The following BCOR variants were observed in gnomAD, a reference collection of about 807,000 sequenced individuals.
BCOR encodes BCL6 corepressor, also known as BCL-6 corepressor.
In BCOR, 10 loss-of-function variants were observed where a neutral mutation model predicts 86.7. The ratio of observed to expected loss-of-function variants is 0.12; its 90% CI spans 0.07 to 0.20. The LOEUF (loss-of-function observed/expected upper bound fraction) is 0.20. Ranked by LOEUF, BCOR falls within the 10% of genes least tolerant of loss-of-function variation. The pLI, the probability that BCOR is intolerant of heterozygous loss-of-function variation, is 1.00. For missense variants in BCOR, 1,259 were observed against 1,452.1 expected (o/e 0.87, Z 2.16); for synonymous variants, 611 against 609.0 (o/e 1.00, Z -0.05).
chrX:40,059,197 G>A (rs1418996723), intron 10 of BCOR, among the ~76,000 whole-genome samples: 1 of 111,835 alleles, frequency 8.9e-6, no homozygotes, highest in Non-Finnish European at 1.9e-5. Context: ...CCAACAACCA[G>A]GTCAGACGTT....
chrX:40,127,905 TAAA>T (rs1243722502), intron 1 of BCOR, among the ~76,000 whole-genome samples: 48 of 88,164 alleles, frequency 5.4e-4, no homozygotes, highest in African/African-American at 1.5e-3. Context: ...AATAAATAAA[TAAA>T]TTTAAAAAAA....
chrX:40,110,475 A>G (rs1200788210), intron 1 of BCOR, among the ~76,000 whole-genome samples: 1 of 107,792 alleles, frequency 9.3e-6, no homozygotes, highest in African/African-American at 3.4e-5. Context: ...CCTATGGGGG[A>G]AAAAAATCTT....
Position 40,062,842 on chromosome X carries a change from C to T in BCOR, c.4077G>A (p.Gly1359=). Residue 1359 remains glycine, a synonymous_variant, in exon 9 of 15, where the codon GGG becomes GGA. Transcript: ENST00000378444. ...AGTGTTTGGTTTTGCACAGTCTCTTCCCGGATGGCTTCTCGCTGTTGTCGG... is the reference window on the plus strand; with the variant it reads ...AGTGTTTGGTTTTGCACAGTCTCTTTCCGGATGGCTTCTCGCTGTTGTCGG... The part of the protein sequence containing the change: ...KYTDNSEKPS[G]KRLCKTKHLI... 2 of 1,211,819 alleles carry T rather than the reference C, an allele frequency of 1.7e-6. No individual in the cohort carries two copies. Among genetic ancestry groups the T allele is most frequent in the South Asian group, 3.5e-5 (2 of 56,893 alleles).
At chrX:40,099,868 A>T (rs896542710), upstream of BCOR, among the ~76,000 whole-genome samples, 5 of 112,085 alleles carry the variant, frequency 4.5e-5, no homozygotes, top group African/African-American at 1.3e-4. Context: ...CAGGCGAGCA[A>T]GTGCCCCCGC....
intron 1 of BCOR, among the ~76,000 whole-genome samples, chrX:40,145,851 C>T (rs1938037557): frequency 8.9e-6 from 1 of 111,803 alleles, no homozygotes; most frequent in African/African-American, 3.2e-5. Flanking sequence ...TGGGACCATT[C>T]GCAACCCACG....
chrX:40,110,661 C>CTTTTTTTT (rs1569182584), intron 1 of BCOR, among the ~76,000 whole-genome samples: 5 of 24,668 alleles, frequency 2.0e-4, no homozygotes, highest in Admixed American at 1.3e-3. Context: ...TTCTTTTTTC[C>CTTTTTTTT]TTTTTCTTTT....
intron 1 of BCOR, among the ~76,000 whole-genome samples, chrX:40,159,944 A>G (rs1352117651): frequency 1.8e-5 from 2 of 112,383 alleles, no homozygotes; most frequent in Admixed American, 9.4e-5. Flanking sequence ...CAATCACTGA[A>G]GCTCATTTGG....
intron 1 of BCOR, among the ~76,000 whole-genome samples, chrX:40,124,163 G>C (rs763948923): frequency 9.0e-6 from 1 of 111,680 alleles, no homozygotes; most frequent in African/African-American, 3.2e-5. Context: ...GTCAGGCAGG[G>C]TGGCTCATGC....
rs762622506 is a variant in BCOR at position 40,074,459 on chromosome X, C to A, written c.887G>T (p.Gly296Val). ...SLPWKMGVSP[G>V]NPVDSHAYPH... ...ATAGGCGTGGGAATCAACAGGATTC[C>A]CAGGGCTGACGCCCATCTTCCACGG... The change falls in exon 4 of 15, where the codon GGG becomes GTG. Residue 296 changes from glycine (G) to valine (V), a missense_variant. Physicochemically the swap from Gly to Val is moderately radical, Grantham distance 109 (BLOSUM62 -3). Coordinates refer to ENST00000378444, the MANE Select transcript of BCOR (RefSeq NM_001123385.2). 8.3e-7 allele frequency: 1 copy of A among 1,205,305 alleles called. No individual in the cohort carries two copies.
chrX:40,154,193 G>T (rs1410343745), intron 1 of BCOR, among the ~76,000 whole-genome samples: 1 of 112,728 alleles, frequency 8.9e-6, no homozygotes, highest in East Asian at 2.8e-4. Flanking sequence ...GCTGCAGCGG[G>T]AAGCGCGCTG....
chrX:40,105,658 G>GGC (rs1212251674), intron 1 of BCOR, among the ~76,000 whole-genome samples: 1 of 112,878 alleles, frequency 8.9e-6, no homozygotes, highest in African/African-American at 3.2e-5. Flanking sequence ...CCTGCAGCTG[G>GGC]GCGCGTGCTG....
At chrX:40,110,749 CGCCCAG>C (rs1428529828) in intron 1 of BCOR, among the ~76,000 whole-genome samples, 7 of 64,272 alleles carry the variant, frequency 1.1e-4, no homozygotes, top group Non-Finnish European at 1.6e-4. Context: ...TCACTCTTGT[CGCCCAG>C]GCTGGAGTGC....
intron 1 of BCOR, among the ~76,000 whole-genome samples, chrX:40,104,396 G>A (rs1475771310): frequency 1.8e-5 from 2 of 111,987 alleles, no homozygotes; most frequent in Non-Finnish European, 3.8e-5. Flanking sequence ...CCGGACCCTC[G>A]GGGAGTTTTA....
chrX:40,114,347 C>T (rs1374454050), intron 1 of BCOR, among the ~76,000 whole-genome samples: 1 of 111,096 alleles, frequency 9.0e-6, no homozygotes, highest in Non-Finnish European at 1.9e-5. Context: ...CACCTGTGTA[C>T]AGGTCTCTGT....
At chrX:40,156,313 G>A (rs1468206654) in intron 1 of BCOR, among the ~76,000 whole-genome samples, 2 of 111,762 alleles carry the variant, frequency 1.8e-5, no homozygotes, top group East Asian at 2.8e-4. Context: ...TGAGCCTGGC[G>A]AGCCGGGGTC....
upstream of BCOR, among the ~76,000 whole-genome samples, chrX:40,102,229 G>T (rs1234735595): frequency 2.7e-5 from 3 of 112,952 alleles, no homozygotes; most frequent in Non-Finnish European, 3.8e-5. Context: ...GGGAAGGAAG[G>T]CCCTAAGGGC....
In BCOR at chrX:40,082,940, A is replaced by G. The variant is rs566583029; in HGVS notation, c.-40-4971T>C. Among the ~76,000 whole-genome samples, 10 of 110,992 alleles carry G rather than the reference A, an allele frequency of 9.0e-5. No homozygotes were observed. In the South Asian group the frequency reaches 3.1e-3, roughly 34 times the overall value. On this transcript the variant is annotated intron_variant, in intron 1 of 14. Coordinates refer to ENST00000378444, the MANE Select transcript of BCOR (RefSeq NM_001123385.2). Reference sequence around the variant, plus strand: ...GAGGCAGCAACAGAGAGGGGATCAGAGCAGGGAGGGAACTTCAGCAGAACT... The same window carrying G: ...GAGGCAGCAACAGAGAGGGGATCAGGGCAGGGAGGGAACTTCAGCAGAACT...
chrX:40,175,982 G>A (rs1201743247), intron 1 of BCOR, among the ~76,000 whole-genome samples: 7 of 112,825 alleles, frequency 6.2e-5, no homozygotes, highest in South Asian at 3.6e-4. Context: ...GGGAGGGAGA[G>A]TACATTTCGG....
rs754249432 is a variant in BCOR, at chrX:40,133,446, A to G, written c.-41+43561T>C. Among the ~76,000 whole-genome samples, 464 of 68,206 alleles carry G rather than the reference A, an allele frequency of 6.8e-3. 3 individuals are homozygous for G. Among genetic ancestry groups the G allele is most frequent in the Middle Eastern group, 0.036 (2 of 56 alleles). 59.2% of individuals were successfully genotyped at this position (68,206 alleles called of 115,157 possible). A position where few individuals can be genotyped will look rare whatever the true frequency, so the allele number is the denominator to read the frequency against. ...CCACCGCCCCCGGCCATCTACTTCA[A>G]TTTCAACTTTTTTTTTTTTTTTTTC... On this transcript the variant is annotated intron_variant, in intron 1 of 14. Coordinates refer to the BCOR transcript ENST00000342274.
Sources: allele counts gnomAD v4.1 joint callset (sites outside exome capture counted in the v4.1 genomes callset), GRCh38; gene constraint gnomAD v4.1.1; transcripts MANE v1.5; gene names NCBI Gene and HGNC (gene_info 2026-07-23, HGNC 2026-07-21).